The following ABHD6 variants were observed in gnomAD, a reference collection of about 807,000 sequenced individuals.
ABHD6 encodes monoacylglycerol lipase ABHD6.
ABHD6 carries 33 observed loss-of-function variants against 38.8 expected under a neutral mutation model. The ratio of observed to expected loss-of-function variants is 0.85; its 90% CI spans 0.64 to 1.14. The LOEUF is 1.14. Ranked by LOEUF, ABHD6 falls within the 50% of genes most tolerant of loss-of-function variation. The probability of loss-of-function intolerance (pLI) is 0.00; values close to 1 mark genes in which losing one functional copy is unlikely to be tolerated. For missense variants in ABHD6, 380 were observed against 422.6 expected (o/e 0.90, Z 0.88); for synonymous variants, 147 against 161.6 (o/e 0.91, Z 0.69).
intron 1 of ABHD6, among the ~76,000 whole-genome samples, chr3:58,247,215 C>CT (rs1238965014): frequency 6.6e-6 from 1 of 151,966 alleles, no homozygotes; most frequent in Non-Finnish European, 1.5e-5. Flanking sequence ...GTTGCCCAGG[C>CT]TTGTCTCTAA....
At chr3:58,280,894 ACCCTGTTTGCCTGGGTAT>A (rs2097452636) in intron 7 of ABHD6, among the ~76,000 whole-genome samples, 1 of 152,136 alleles carries the variant, frequency 6.6e-6, no homozygotes, top group Admixed American at 6.5e-5. Context: ...TCCGCTCCAG[ACCCTGTTTGCCTGGGTAT>A]CACCAGCGGA....
At chr3:58,276,139 G>T (rs1003806364) in intron 7 of ABHD6, among the ~76,000 whole-genome samples, 1 of 152,200 alleles carries the variant, frequency 6.6e-6, no homozygotes, top group African/African-American at 2.4e-5. Context: ...CTAGTAATGG[G>T]ATTGCTGGGT....
In ABHD6 at chr3:58,267,194, G is replaced by A; in HGVS notation, c.125G>A (p.Trp42Ter). 1.2e-6 allele frequency: 2 copies of A among 1,613,966 alleles called. No homozygotes were observed. Among genetic ancestry groups the A allele is most frequent in the Non-Finnish European group, 1.7e-6 (2 of 1,179,928 alleles). The part of the protein sequence containing the change: ...SALIRIYYWY[W>*]RRTLGMQVRY... ...TTATTTCTCACCCCTTCCAGGTACTGGCGGAGGACATTGGGCATGCAAGTC... is the reference window on the plus strand; with the variant it reads ...TTATTTCTCACCCCTTCCAGGTACTAGCGGAGGACATTGGGCATGCAAGTC... Residue 42 changes from tryptophan to a stop codon, truncating the protein, a stop_gained, in exon 4 of 10, where the codon TGG (tryptophan) becomes TAG (stop). Transcript: ENST00000478253. LOFTEE classifies it high-confidence loss of function. This position sits in a 1 kb window ranked among gnomAD's most constrained non-coding sequence, Gnocchi z 4.3.
At chr3:58,276,919 G>T (rs1038487836) in intron 7 of ABHD6, among the ~76,000 whole-genome samples, 1 of 152,138 alleles carries the variant, frequency 6.6e-6, no homozygotes, top group Non-Finnish European at 1.5e-5. Context: ...AGATCAGATG[G>T]TTATAGATGT....
At chr3:58,258,395 T>C (rs1174689469) in intron 3 of ABHD6, 1 of 438,712 alleles carries the variant, frequency 2.3e-6, no homozygotes. Context: ...TTTTACTTTG[T>C]TACAAAGCAT....
At chr3:58,248,418 C>T (rs2097427853) in intron 1 of ABHD6, among the ~76,000 whole-genome samples, 1 of 152,180 alleles carries the variant, frequency 6.6e-6, no homozygotes, top group Admixed American at 6.5e-5. Context: ...AAGATCATAG[C>T]CAGGCATGGT....
At chr3:58,268,358 G>A (rs913615999) in intron 4 of ABHD6, among the ~76,000 whole-genome samples, 57 of 151,224 alleles carry the variant, frequency 3.8e-4, no homozygotes, top group African/African-American at 1.4e-3. Flanking sequence ...CCTCTTCTAC[G>A]TCTGCTTTTT....
chr3:58,276,837 AG>A (rs2097449092), intron 7 of ABHD6, among the ~76,000 whole-genome samples: 1 of 152,226 alleles, frequency 6.6e-6, no homozygotes, highest in Non-Finnish European at 1.5e-5. Flanking sequence ...ACATATGGCT[AG>A]CCAGTTTTCC....
rs75103749 is a variant in ABHD6 at position 58,281,816 on chromosome 3, A to G, written c.682-3269A>G. ...TATATTTATTATTAATGTTTACCATATTAGAAATTAAAACTCAGGCCGGGT... is the reference window on the plus strand; with the variant it reads ...TATATTTATTATTAATGTTTACCATGTTAGAAATTAAAACTCAGGCCGGGT... On this transcript the variant is annotated intron_variant, in intron 7 of 9. Coordinates refer to ENST00000478253, the MANE Select transcript of ABHD6 (RefSeq NM_001320126.2). 7.5e-4 allele frequency among the ~76,000 whole-genome samples: 114 copies of G among 152,344 alleles called. 1 individual carries two copies. The East Asian group carries it at 0.02, about 27-fold the overall frequency.
intron 9 of ABHD6, among the ~76,000 whole-genome samples, chr3:58,289,671 A>G (rs1448001576): frequency 1.3e-5 from 2 of 152,172 alleles, no homozygotes; most frequent in Admixed American, 6.5e-5. Context: ...CGATTTCTCA[A>G]TCTTTTCCCC....
At position 58,251,131 on chromosome 3, in the gene ABHD6, G is replaced by T. The variant is rs1014576975; in HGVS notation, c.-26+1189G>T. ...AGGTCAGGAGTTCGAGACCAGCCCA[G>T]CATGGTGAAACCCTGTCTCTACTAA... On this transcript the variant is annotated intron_variant, in intron 2 of 9. Coordinates refer to ENST00000478253, the MANE Select transcript of ABHD6 (RefSeq NM_001320126.2). This position sits in a 1 kb window ranked among gnomAD's most constrained non-coding sequence, Gnocchi z 5.4. Among the ~76,000 whole-genome samples the T allele has an allele frequency of 1.3e-5, 2 of 151,988 alleles. No homozygotes were observed. The highest frequency in any genetic ancestry group is 2.9e-5 in the Non-Finnish European group (2 of 67,978).
chr3:58,253,259 C>G (rs750130717), intron 2 of ABHD6, among the ~76,000 whole-genome samples: 2 of 151,746 alleles, frequency 1.3e-5, no homozygotes, highest in Non-Finnish European at 2.9e-5. Flanking sequence ...ATAAACTGTT[C>G]TAATTCCTAG....
chr3:58,240,370 C>T (rs1349063554), intron 1 of ABHD6, among the ~76,000 whole-genome samples: 1 of 150,776 alleles, frequency 6.6e-6, no homozygotes, highest in Non-Finnish European at 1.5e-5. Flanking sequence ...TGCACCACCA[C>T]ACCTGGCATG....
intron 2 of ABHD6, among the ~76,000 whole-genome samples, chr3:58,253,368 C>T (rs2097431262): frequency 1.3e-5 from 2 of 152,206 alleles, no homozygotes; most frequent in African/African-American, 4.8e-5. Flanking sequence ...TCAAAGCTGA[C>T]AGTTCCCATC....
chr3:58,286,010 GT>G (rs2097456613), intron 9 of ABHD6, among the ~76,000 whole-genome samples: 2 of 116,702 alleles, frequency 1.7e-5, no homozygotes, highest in South Asian at 6.4e-4. Context: ...CCTAATTTTT[GT>G]TTTTTGTTCT....
Position 58,263,347 on chromosome 3 carries a change from G to A in ABHD6, c.120-3842G>A, listed in dbSNP as rs6809019. 0.018 allele frequency among the ~76,000 whole-genome samples: 2,768 copies of A among 150,528 alleles called. 34 individuals carry two copies. Among genetic ancestry groups the A allele is most frequent in the Non-Finnish European group, 0.027 (1,820 of 67,828 alleles). On this transcript the variant is annotated intron_variant, in intron 3 of 9. Coordinates refer to ENST00000478253, the MANE Select transcript of ABHD6 (RefSeq NM_001320126.2). This position sits in a 1 kb window ranked among gnomAD's most constrained non-coding sequence, Gnocchi z 4.9. ...GGAGGTTGCAGTGAACTGAGATTGC[G>A]CCACTGCACTCCAGCCTAGGCAACG...
At position 58,267,407 on chromosome 3, in the gene ABHD6, A is replaced by G. The variant is rs1022195857; in HGVS notation, c.276+62A>G. The G allele has an allele frequency of 6.9e-6, 11 of 1,591,068 alleles. No individual in the cohort carries two copies. The highest frequency in any genetic ancestry group is 1.7e-5 in the Admixed American group (1 of 57,722). On this transcript the variant is annotated intron_variant, in intron 4 of 9. Transcript: ENST00000478253. The surrounding 1 kb of genome is among the most constrained non-coding windows in gnomAD (Gnocchi z 4.3). ...GAGTTGGGTGCTGTGGCTCATGCCT[A>G]TAATCCCAGCACTTTGGGAGCCTGA...
chr3:58,285,359 T>G lies in ABHD6; in HGVS notation c.743T>G (p.Leu248Trp). The G allele has an allele frequency of 6.2e-7, 1 of 1,614,178 alleles. No individual in the cohort carries two copies. Among genetic ancestry groups the G allele is most frequent in the South Asian group, 1.1e-5 (1 of 91,086 alleles). Residue 248 changes from leucine to tryptophan, a missense_variant, in exon 9 of 10, where the codon TTG (leucine) becomes TGG (tryptophan). Transcript: ENST00000478253. This position sits in a 1 kb window ranked among gnomAD's most constrained non-coding sequence, Gnocchi z 4.9. ...GTTTTCCTTTTCTGACAAGTGTTTT[T>G]GGAAATCGTCAGTGAGAAGTCCAGA... is the stretch of plus-strand genomic sequence containing the variant. ...PHNNFYRKLFLEIVSEKSRYS... is the reference protein window; with the variant it reads ...PHNNFYRKLFWEIVSEKSRYS...
intron 1 of ABHD6, among the ~76,000 whole-genome samples, chr3:58,243,452 G>A (rs1051184376): frequency 5.9e-5 from 9 of 152,122 alleles, no homozygotes; most frequent in Admixed American, 2.6e-4. Flanking sequence ...ATTGAGGAAA[G>A]TCTAAGTGAA....
Sources: gnomAD v4.1 joint callset for allele counts (sites outside exome capture counted in the v4.1 genomes callset) on GRCh38, gnomAD v4.1.1 for gene constraint, Gnocchi (gnomAD v3.1) non-coding constraint, MANE v1.5 for transcripts, NCBI Gene and HGNC (gene_info 2026-07-23, HGNC 2026-07-21) for gene names.